The following KIF24 variants were observed in gnomAD, a reference collection of about 807,000 sequenced individuals.
KIF24 encodes the protein kinesin family member 24, also known as kinesin-like protein KIF24.
Under a neutral mutation model 118.9 loss-of-function variants are expected in KIF24, and 81 were observed. The ratio of observed to expected loss-of-function variants is 0.68; its 90% CI spans 0.57 to 0.82. The LOEUF is 0.82. KIF24 is among the 40% of genes least tolerant of loss of function. The pLI, the probability that KIF24 is intolerant of heterozygous loss-of-function variation, is 0.00. For missense variants in KIF24, 1,560 were observed against 1,661.6 expected (o/e 0.94, Z 1.06); for synonymous variants, 599 against 610.0 (o/e 0.98, Z 0.27).
rs1048467006 is a variant in KIF24 at position 34,254,201 on chromosome 9, C to T, written c.*179G>A. 2 of 566,240 alleles carry T rather than the reference C, an allele frequency of 3.5e-6. No homozygotes were observed. The highest frequency in any genetic ancestry group is 3.8e-5 in the African/African-American group (2 of 52,128). The allele number at this position is 566,240 out of a possible 1,614,324, so 35.1% of individuals were successfully genotyped here. A position where few individuals can be genotyped will look rare whatever the true frequency, so the allele number is the denominator to read the frequency against. On this transcript the variant is annotated 3_prime_UTR_variant, in exon 13 of 13. Coordinates refer to ENST00000402558, the MANE Select transcript of KIF24 (RefSeq NM_194313.4). ...ATGGAACTGAGGGACAGGGGCCTGT[C>T]CCTGAGGGAGAAGCTGGGACCTATC... is the stretch of plus-strand genomic sequence containing the variant.
chr9:34,318,728 G>A lies in KIF24; in HGVS notation c.-25-7357C>T, dbSNP rs543431696. ...GCAGCTGAGCGACGAGGAGGTGCAC[G>A]CCGGCGTGGGCGAGCCGCTGCGTTC... On this transcript the variant is annotated intron_variant, in intron 1 of 12. Transcript: ENST00000402558. This position sits in a 1 kb window ranked among gnomAD's most constrained non-coding sequence, Gnocchi z 4.9. 9.2e-5 allele frequency: 138 copies of A among 1,502,978 alleles called. No individual in the cohort carries two copies. The highest frequency in any genetic ancestry group is 8.4e-5 in the Non-Finnish European group (92 of 1,101,496). The allele number at this position is 1,502,978 out of a possible 1,614,324, so 93.1% of individuals were successfully genotyped here. A position where few individuals can be genotyped will look rare whatever the true frequency, so the allele number is the denominator to read the frequency against.
chr9:34,277,178 T>C (rs563169893), intron 6 of KIF24, among the ~76,000 whole-genome samples: 6 of 152,344 alleles, frequency 3.9e-5, no homozygotes, highest in African/African-American at 1.2e-4. Flanking sequence ...AAAATTCTGG[T>C]ATATTTCCTT....
intron 6 of KIF24, among the ~76,000 whole-genome samples, chr9:34,275,289 G>A (rs1253245921): frequency 1.3e-5 from 2 of 152,122 alleles, no homozygotes; most frequent in Non-Finnish European, 2.9e-5. Context: ...AGCTACTCAG[G>A]AGGCTGAGGC....
chr9:34,270,654 G>A (rs1835470060), intron 7 of KIF24, among the ~76,000 whole-genome samples: 1 of 150,676 alleles, frequency 6.6e-6, no homozygotes. Context: ...CGATCTGGCT[G>A]CGACATCTGT....
chr9:34,328,525 G>A (rs969668345), intron 1 of KIF24, among the ~76,000 whole-genome samples: 1 of 152,150 alleles, frequency 6.6e-6, no homozygotes, highest in Non-Finnish European at 1.5e-5. Context: ...GGACTTTTAG[G>A]TCCTTTTGCA....
rs769576452 is a variant in KIF24 at position 34,311,098 on chromosome 9, C to T, written c.249G>A (p.Leu83=). The T allele has an allele frequency of 3.7e-6, 6 of 1,613,730 alleles. No individual in the cohort carries two copies. In the South Asian group the frequency reaches 5.5e-5, roughly 15 times the overall value. ...IPERHLQTSS[L]RIKSQELRSG... ...ATCTTAATTCCTGAGATTTGATGCGCAGGCTGCTTGTCTGAAGATGACGCT... is the reference window on the plus strand; with the variant it reads ...ATCTTAATTCCTGAGATTTGATGCGTAGGCTGCTTGTCTGAAGATGACGCT... Residue 83 remains leucine, a synonymous_variant, in exon 2 of 13, where the codon CTG becomes CTA. Transcript: ENST00000402558.
At chr9:34,312,984 C>G (rs1837218564) in intron 1 of KIF24, among the ~76,000 whole-genome samples, 1 of 152,326 alleles carries the variant, frequency 6.6e-6, no homozygotes. Context: ...CAGGCGTGAG[C>G]CACCACACTG....
chr9:34,330,340 G>A (rs1350919783), upstream of KIF24, among the ~76,000 whole-genome samples: 9 of 152,210 alleles, frequency 5.9e-5, no homozygotes, highest in African/African-American at 2.2e-4. Context: ...AGGAGGCGGA[G>A]CTTGCAGTGA....
intron 1 of KIF24, among the ~76,000 whole-genome samples, chr9:34,328,332 G>A (rs1207474548): frequency 6.6e-6 from 1 of 152,190 alleles, no homozygotes; most frequent in East Asian, 1.9e-4. Flanking sequence ...AAGCTAAAGG[G>A]AGATAAATTA....
At position 34,257,612 on chromosome 9, in the gene KIF24, T is replaced by C. The variant is rs761069695; in HGVS notation, c.1995A>G (p.Ser665=). ...GATTTTTCTCAGAGCACAATGGTGCTGACTCTTCTGGCTTTTTTTTGGCCA... is the reference window on the plus strand; with the variant it reads ...GATTTTTCTCAGAGCACAATGGTGCCGACTCTTCTGGCTTTTTTTTGGCCA... ...GHVAKKKPEE[S]APLCSEKNRM... is the part of the protein sequence containing the mutation. The change falls in exon 11 of 13, where the codon TCA becomes TCG. Residue 665 remains serine, a synonymous_variant. Coordinates refer to ENST00000402558, the MANE Select transcript of KIF24 (RefSeq NM_194313.4). 2 of 1,614,102 alleles carry C rather than the reference T, an allele frequency of 1.2e-6. No individual in the cohort carries two copies. The highest frequency in any genetic ancestry group is 1.7e-5 in the Admixed American group (1 of 60,034).
intron 4 of KIF24, among the ~76,000 whole-genome samples, chr9:34,291,459 T>A (rs1728437125): frequency 6.6e-6 from 1 of 152,240 alleles, no homozygotes; most frequent in East Asian, 1.9e-4. Flanking sequence ...AGTAGATTAG[T>A]TTCTAAGTAG....
chr9:34,255,870 C>G lies in KIF24; in HGVS notation c.3737G>C (p.Cys1246Ser). The G allele has an allele frequency of 6.2e-7, 1 of 1,614,020 alleles. No homozygotes were observed. Among genetic ancestry groups the G allele is most frequent in the South Asian group, 1.1e-5 (1 of 91,084 alleles). Residue 1246 changes from cysteine (C) to serine (S), a missense_variant, in exon 11 of 13, where the codon TGC becomes TCC. Coordinates refer to ENST00000402558, the MANE Select transcript of KIF24 (RefSeq NM_194313.4). ...GAGCCATGTGACATTTTCACTGTTGCAGGGCAACTTGATGGGGTCTGTGGA... is the reference window on the plus strand; with the variant it reads ...GAGCCATGTGACATTTTCACTGTTGGAGGGCAACTTGATGGGGTCTGTGGA... Reference protein sequence around the residue: ...GLSTDPIKLPCNSENVTWLKP... With the variant: ...GLSTDPIKLPSNSENVTWLKP...
intron 1 of KIF24, chr9:34,319,759 A>G: frequency 5.0e-6 from 3 of 603,260 alleles, no homozygotes; most frequent in Non-Finnish European, 9.3e-6. Flanking sequence ...TGGATACTCC[A>G]TGGGTGGGGG....
chr9:34,302,662 C>T (rs1481240947), intron 3 of KIF24, among the ~76,000 whole-genome samples: 1 of 151,582 alleles, frequency 6.6e-6, no homozygotes, highest in African/African-American at 2.4e-5. Context: ...GACGGAGTTT[C>T]ACCACATTGG....
intron 1 of KIF24, among the ~76,000 whole-genome samples, chr9:34,320,137 A>G (rs999991232): frequency 2.6e-5 from 4 of 152,098 alleles, no homozygotes; most frequent in African/African-American, 9.7e-5. Context: ...ACCTGGCCCC[A>G]TTGAGGCAGA....
chr9:34,257,157 C>G lies in KIF24; in HGVS notation c.2450G>C (p.Gly817Ala). 1 of 1,613,986 alleles carries G rather than the reference C, an allele frequency of 6.2e-7. No homozygotes were observed. The highest frequency in any genetic ancestry group is 8.5e-7 in the Non-Finnish European group (1 of 1,179,884). Residue 817 changes from glycine (G) to alanine (A), a missense_variant, in exon 11 of 13, where the codon GGA (glycine) becomes GCA (alanine). Coordinates refer to ENST00000402558, the MANE Select transcript of KIF24 (RefSeq NM_194313.4). ...LFHSYSENHD[G>A]AQVEELDDSD... ...GTCATCAAGTTCCTCTACTTGGGCT[C>G]CATCATGGTTTTCAGAGTAAGAGTG... is the stretch of plus-strand genomic sequence containing the variant.
chr9:34,266,765 A>C (rs1158353454), intron 8 of KIF24, among the ~76,000 whole-genome samples: 1 of 152,092 alleles, frequency 6.6e-6, no homozygotes, highest in Non-Finnish European at 1.5e-5. Context: ...TGGAGAGGGA[A>C]ATGTATAAAA....
rs199526111 is a variant in KIF24, at chr9:34,299,370, G to A, written c.814-2256C>T. ...TGATTTTTGTAGTTTTAGTAAAGAC[G>A]GGGGTCTCATCATGTTGGCCAGGCT... is the stretch of plus-strand genomic sequence containing the variant. On this transcript the variant is annotated intron_variant, in intron 3 of 12. Coordinates refer to ENST00000402558, the MANE Select transcript of KIF24 (RefSeq NM_194313.4). Among the ~76,000 whole-genome samples, 7 of 151,550 alleles carry A rather than the reference G, an allele frequency of 4.6e-5. No individual in the cohort carries two copies. The East Asian group carries it at 9.7e-4, about 21-fold the overall frequency.
At chr9:34,288,049 C>A (rs561090647) in intron 5 of KIF24, among the ~76,000 whole-genome samples, 8 of 152,168 alleles carry the variant, frequency 5.3e-5, no homozygotes, top group Admixed American at 4.6e-4. Flanking sequence ...AGCTTTTATG[C>A]AAGGTATAAA....
Sources: gnomAD v4.1 joint callset for allele counts (sites outside exome capture counted in the v4.1 genomes callset) on GRCh38, gnomAD v4.1.1 for gene constraint, Gnocchi (gnomAD v3.1) non-coding constraint, MANE v1.5 for transcripts, NCBI Gene and HGNC (gene_info 2026-07-23, HGNC 2026-07-21) for gene names.